The following TSGA10 variants were observed in gnomAD, a reference collection of about 807,000 sequenced individuals.
TSGA10 encodes the protein testis specific 10, also known as testis-specific gene 10 protein.
A neutral mutation model predicts 96.6 loss-of-function variants in TSGA10; 43 were observed. That is an observed-to-expected ratio of 0.44 (90% CI 0.35 to 0.57). The LOEUF is 0.57. Ranked by LOEUF, TSGA10 falls within the 20% of genes least tolerant of loss-of-function variation. The pLI is 0.01. For missense variants in TSGA10, 703 were observed against 834.4 expected, an observed-to-expected ratio of 0.84 and a Z score of 1.94; for synonymous variants, 229 against 269.9, an observed-to-expected ratio of 0.85 and a Z score of 1.48.
At chr2:99,123,722 T>C (rs1018992471) in intron 2 of TSGA10, among the ~76,000 whole-genome samples, 4 of 152,120 alleles carry the variant, frequency 2.6e-5, no homozygotes, top group African/African-American at 9.7e-5. Context: ...TAGGCAGAGG[T>C]GGAATCAAGC....
intron 2 of TSGA10, among the ~76,000 whole-genome samples, chr2:99,119,464 C>A (rs1461718802): frequency 6.6e-6 from 1 of 152,124 alleles, no homozygotes; most frequent in Non-Finnish European, 1.5e-5. Flanking sequence ...CTTCCCACCA[C>A]CAGACACACT....
Position 99,081,313 on chromosome 2 carries a change from C to T in TSGA10, c.696G>A (p.Gln232=). 6.3e-7 allele frequency: 1 copy of T among 1,584,330 alleles called. No homozygotes were observed. Among genetic ancestry groups the T allele is most frequent in the Non-Finnish European group, 8.6e-7 (1 of 1,166,768 alleles). ...TTTCATCCAAGCACATAATTTTCTC[C>T]TGAGTAAGCTGTAGCTCATATTTTT... ...AKKKYELQLT[Q]EKIMCLDEKI... is the part of the protein sequence containing the mutation. The change falls in exon 11 of 21, where the codon CAG becomes CAA. Residue 232 remains glutamine (Q), a synonymous_variant. Transcript: ENST00000393483.
chr2:99,113,610 A>C (rs1429088217), intron 4 of TSGA10, among the ~76,000 whole-genome samples: 1 of 152,116 alleles, frequency 6.6e-6, no homozygotes, highest in African/African-American at 2.4e-5. Context: ...CAGTGGCGTG[A>C]TCTCGGCTCA....
chr2:99,154,740 C>A lies in TSGA10; in HGVS notation c.-668G>T. The A allele has an allele frequency of 3.8e-6, 1 of 261,228 alleles. No homozygotes were observed. The highest frequency in any genetic ancestry group is 7.7e-6 in the Non-Finnish European group (1 of 129,154). 16.2% of individuals were successfully genotyped at this position (261,228 alleles called of 1,614,324 possible). On this transcript the variant is annotated 5_prime_UTR_variant, in exon 1 of 21. Transcript: ENST00000393483. ...TCTCTGTGCTGTCACGCGGGGAAGT[C>A]CCATCTGAACTGGGGCCTTATGACC...
At chr2:99,117,023 A>C (rs1320638113) in intron 4 of TSGA10, 1 of 152,182 alleles carries the variant, frequency 6.6e-6, no homozygotes, top group Non-Finnish European at 1.5e-5. Flanking sequence ...CCTTGATTCC[A>C]TATCTTGGCT....
chr2:99,008,605 G>A (rs1332272944), intron 20 of TSGA10, among the ~76,000 whole-genome samples: 6 of 152,312 alleles, frequency 3.9e-5, no homozygotes, highest in African/African-American at 1.4e-4. Context: ...GCAAAATGGA[G>A]GGGAATGTGG....
rs146022306 is a variant in TSGA10, at chr2:99,007,770, T to C, written c.2073-9549A>G. Reference sequence around the variant, plus strand: ...GTGGAGGTATTTACACCACAGAAATTGGCAAGTGCTACAGATCAGGGCCTC... The same window carrying C: ...GTGGAGGTATTTACACCACAGAAATCGGCAAGTGCTACAGATCAGGGCCTC... On this transcript the variant is annotated intron_variant, in intron 20 of 20. Transcript: ENST00000393483. Among the ~76,000 whole-genome samples the C allele has an allele frequency of 1.8e-4, 27 of 152,260 alleles. No homozygotes were observed. The East Asian group carries it at 4.8e-3, about 27-fold the overall frequency.
chr2:99,134,530 C>T (rs184303037), intron 1 of TSGA10, among the ~76,000 whole-genome samples: 4 of 152,214 alleles, frequency 2.6e-5, no homozygotes, highest in Admixed American at 6.5e-5. Context: ...GAACATGCTC[C>T]TATAGCTCAG....
chr2:99,094,827 T>C (rs2089839684), intron 10 of TSGA10, among the ~76,000 whole-genome samples: 1 of 152,194 alleles, frequency 6.6e-6, no homozygotes, highest in Non-Finnish European at 1.5e-5. Flanking sequence ...GTACAACCAC[T>C]ATGGAAAACA....
chr2:99,063,412 C>T (rs2084911869), intron 16 of TSGA10, among the ~76,000 whole-genome samples: 3 of 152,064 alleles, frequency 2.0e-5, no homozygotes, highest in African/African-American at 2.4e-5. Flanking sequence ...TCTGTTTATA[C>T]TGCAAGGAAG....
intron 16 of TSGA10, among the ~76,000 whole-genome samples, chr2:99,039,009 T>C (rs530353166): frequency 5.9e-5 from 9 of 152,182 alleles, no homozygotes; most frequent in African/African-American, 2.2e-4. Flanking sequence ...TAAAAATATA[T>C]GGACATTAAA....
At chr2:99,135,458 T>C (rs2093286462) in intron 1 of TSGA10, among the ~76,000 whole-genome samples, 1 of 152,240 alleles carries the variant, frequency 6.6e-6, no homozygotes, top group Non-Finnish European at 1.5e-5. Context: ...CAGTTCCTAT[T>C]TGGCCATCTT....
chr2:99,141,758 G>T (rs2093564434), intron 1 of TSGA10: 3 of 152,844 alleles, frequency 2.0e-5, no homozygotes, highest in Admixed American at 2.0e-4. Flanking sequence ...CTTCGCGGCG[G>T]TGGCTTTGTG....
At chr2:99,085,245 T>C (rs1440552439) in intron 10 of TSGA10, among the ~76,000 whole-genome samples, 2 of 151,912 alleles carry the variant, frequency 1.3e-5, no homozygotes, top group Admixed American at 1.3e-4. Context: ...AGACTCCGTC[T>C]CAAAATTAAT....
intron 20 of TSGA10, among the ~76,000 whole-genome samples, chr2:99,000,977 G>A (rs1200905624): frequency 1.3e-5 from 2 of 152,182 alleles, no homozygotes; most frequent in East Asian, 1.9e-4. Context: ...CTGGAAGCTC[G>A]AACCGGGTGG....
chr2:99,085,501 T>G (rs536250250), intron 10 of TSGA10, among the ~76,000 whole-genome samples: 1 of 148,724 alleles, frequency 6.7e-6, no homozygotes, highest in Non-Finnish European at 1.5e-5. Flanking sequence ...CCCAGCTACT[T>G]GGGAGGCTGA....
intron 1 of TSGA10, chr2:99,141,266 G>A (rs891211183): frequency 1.4e-5 from 11 of 769,632 alleles, no homozygotes; most frequent in African/African-American, 5.8e-5. Context: ...ATCGGAGGAA[G>A]GACGGAGCCC....
chr2:99,002,774 T>A, intron 20 of TSGA10, among the ~76,000 whole-genome samples: 1 of 150,564 alleles, frequency 6.6e-6, no homozygotes. Flanking sequence ...AGGCTCAAAA[T>A]AAAGGGATGG....
chr2:99,148,466 A>G (rs74658951), intron 1 of TSGA10: 1 of 152,308 alleles, frequency 6.6e-6, no homozygotes, highest in East Asian at 1.9e-4. Context: ...TGTTATATTA[A>G]TATTTGAGTA....
Sources: allele counts gnomAD v4.1 joint callset (sites outside exome capture counted in the v4.1 genomes callset), GRCh38; gene constraint gnomAD v4.1.1; transcripts MANE v1.5; gene names NCBI Gene and HGNC (gene_info 2026-07-23, HGNC 2026-07-21).